The following CREB5 variants were observed in gnomAD, a reference collection of about 807,000 sequenced individuals.
CREB5 encodes cyclic AMP-responsive element-binding protein 5.
In CREB5, 19 loss-of-function variants were observed where a neutral mutation model predicts 57.1. The ratio of observed to expected loss-of-function variants is 0.33; its 90% confidence interval spans 0.23 to 0.49. The LOEUF (loss-of-function observed/expected upper bound fraction) is 0.49, where lower values mean the gene tolerates loss of function less well. CREB5 is among the 20% of genes least tolerant of loss of function. The pLI is 0.99. For synonymous variants in CREB5, 238 were observed against 238.3 expected (o/e 1.00, Z 0.01); for missense variants, 579 against 671.6 (o/e 0.86, Z 1.52).
In CREB5 at chr7:28,757,887, G is replaced by A. The variant is rs80355173; in HGVS notation, c.702+33555G>A. ...CCAGTGAGCATCTCCTTTGAGCATCGCGGTGATGCTCAAAATGTTTCAGAT... is the reference window on the plus strand; with the variant it reads ...CCAGTGAGCATCTCCTTTGAGCATCACGGTGATGCTCAAAATGTTTCAGAT... On this transcript the variant is annotated intron_variant, in intron 7 of 10. Transcript: ENST00000357727. 8.9e-3 allele frequency among the ~76,000 whole-genome samples: 1,358 copies of A among 152,106 alleles called. 18 individuals carry two copies. The highest frequency in any genetic ancestry group is 0.056 in the South Asian group (268 of 4,814).
intron 1 of CREB5, among the ~76,000 whole-genome samples, chr7:28,310,162 G>A (rs1785251092): frequency 6.6e-6 from 1 of 152,156 alleles, no homozygotes; most frequent in South Asian, 2.1e-4. Flanking sequence ...AGGATGGGGT[G>A]TCCTTGCGGA....
At chr7:28,740,081 T>A (rs73077843) in intron 7 of CREB5, among the ~76,000 whole-genome samples, 18,002 of 152,146 alleles carry the variant, frequency 0.12, 1,202 homozygotes, top group Middle Eastern at 0.16. Flanking sequence ...GGGTGGGGGT[T>A]TAAGGATTAT....
intron 5 of CREB5, among the ~76,000 whole-genome samples, chr7:28,638,023 C>T (rs959468740): frequency 5.3e-5 from 8 of 152,142 alleles, no homozygotes; most frequent in Admixed American, 5.2e-4. Context: ...TTATCATTAG[C>T]CTCGTTAGCT....
At chr7:28,781,187 C>T (rs759852137) in intron 7 of CREB5, among the ~76,000 whole-genome samples, 1 of 152,108 alleles carries the variant, frequency 6.6e-6, no homozygotes, top group East Asian at 1.9e-4. Flanking sequence ...ATGAATGAAG[C>T]CATTTGGACA....
At chr7:28,513,770 G>C (rs940805930) in intron 4 of CREB5, 1 of 152,284 alleles carries the variant, frequency 6.6e-6, no homozygotes, top group East Asian at 1.9e-4. Context: ...CTAGGATTTA[G>C]GAATAATGAG....
intron 4 of CREB5, among the ~76,000 whole-genome samples, chr7:28,550,240 T>G (rs1794577151): frequency 6.6e-6 from 1 of 152,116 alleles, no homozygotes; most frequent in Non-Finnish European, 1.5e-5. Flanking sequence ...GTCTTCTTGT[T>G]CTTCTTATTA....
At chr7:28,556,741 A>G (rs900023546) in intron 4 of CREB5, among the ~76,000 whole-genome samples, 1 of 152,176 alleles carries the variant, frequency 6.6e-6, no homozygotes, top group Non-Finnish European at 1.5e-5. Context: ...TGGCCCGTAC[A>G]CACAATCTTA....
chr7:28,580,194 T>C (rs1224766323), intron 5 of CREB5, among the ~76,000 whole-genome samples: 2 of 152,124 alleles, frequency 1.3e-5, no homozygotes, highest in Admixed American at 6.6e-5. Flanking sequence ...CTCCAAATCA[T>C]AGACTTTCTA....
At chr7:28,332,821 C>G (rs1331122205) in intron 1 of CREB5, among the ~76,000 whole-genome samples, 2 of 152,242 alleles carry the variant, frequency 1.3e-5, no homozygotes, top group East Asian at 3.9e-4. Context: ...TACTAGCTAC[C>G]TGGTTTTCAT....
intron 1 of CREB5, among the ~76,000 whole-genome samples, chr7:28,356,310 A>G (rs1443165639): frequency 6.6e-6 from 1 of 152,244 alleles, no homozygotes; most frequent in Admixed American, 6.5e-5. Flanking sequence ...TGCTATCTCA[A>G]TGAAGTGGGT....
rs111484661 is a variant in CREB5 at position 28,331,740 on chromosome 7, C to T, written c.-25+32299C>T. Among the ~76,000 whole-genome samples, 1,140 of 151,554 alleles carry T rather than the reference C, an allele frequency of 7.5e-3. 14 individuals are homozygous for T. The highest frequency in any genetic ancestry group is 0.026 in the African/African-American group (1,081 of 41,296). On this transcript the variant is annotated intron_variant, in intron 1 of 9. Coordinates refer to the CREB5 transcript ENST00000396299. ...GGCTCGCACCTGTAATCCCAGCTACCCTGGGGGCTGAGGCAGGAGAAGTGC... is the reference window on the plus strand; with the variant it reads ...GGCTCGCACCTGTAATCCCAGCTACTCTGGGGGCTGAGGCAGGAGAAGTGC...
chr7:28,333,334 A>T (rs868715708), intron 1 of CREB5, among the ~76,000 whole-genome samples: 2 of 152,202 alleles, frequency 1.3e-5, no homozygotes, highest in Non-Finnish European at 2.9e-5. Context: ...TACAATGTGT[A>T]ATAATCATCT....
intron 5 of CREB5, among the ~76,000 whole-genome samples, chr7:28,706,587 G>C (rs1037779633): frequency 4.6e-5 from 7 of 152,156 alleles, no homozygotes; most frequent in Non-Finnish European, 7.3e-5. Flanking sequence ...AAAGCCATTT[G>C]AGATCCTTGA....
chr7:28,353,624 A>G (rs1162298228), intron 1 of CREB5, among the ~76,000 whole-genome samples: 3 of 152,062 alleles, frequency 2.0e-5, no homozygotes, highest in Non-Finnish European at 4.4e-5. Flanking sequence ...CGGGCAGATC[A>G]CGAGGTCAGG....
intron 1 of CREB5, among the ~76,000 whole-genome samples, chr7:28,442,404 G>C (rs1189742232): frequency 6.6e-6 from 1 of 152,130 alleles, no homozygotes; most frequent in Non-Finnish European, 1.5e-5. Context: ...AGCAAACATG[G>C]GGGTGCAGGT....
chr7:28,762,732 T>C (rs982290143), intron 7 of CREB5, among the ~76,000 whole-genome samples: 5 of 152,044 alleles, frequency 3.3e-5, no homozygotes, highest in African/African-American at 7.2e-5. Context: ...ATGGTTTTTT[T>C]TTTTTCTTTT....
chr7:28,642,383 A>G (rs1262977156), intron 5 of CREB5, among the ~76,000 whole-genome samples: 1 of 152,194 alleles, frequency 6.6e-6, no homozygotes, highest in African/African-American at 2.4e-5. Flanking sequence ...CCCTTCTCCC[A>G]GTCCCAAGAG....
At chr7:28,671,494 C>T (rs746953101) in intron 5 of CREB5, among the ~76,000 whole-genome samples, 1 of 152,104 alleles carries the variant, frequency 6.6e-6, no homozygotes, top group Non-Finnish European at 1.5e-5. Flanking sequence ...ATTTTTCAGA[C>T]TGGGGAGAAG....
At chr7:28,411,860 T>A (rs554058737), upstream of CREB5, among the ~76,000 whole-genome samples, 15 of 152,346 alleles carry the variant, frequency 9.8e-5, no homozygotes, top group Middle Eastern at 3.4e-3. Flanking sequence ...GATTTAGTAT[T>A]TATTCACATC....
Sources: allele counts gnomAD v4.1 joint callset (sites outside exome capture counted in the v4.1 genomes callset), GRCh38; gene constraint gnomAD v4.1.1; transcripts MANE v1.5; gene names NCBI Gene and HGNC (gene_info 2026-07-23, HGNC 2026-07-21).